FGG: variants seen among roughly 807,000 people sequenced by gnomAD.
The protein encoded by FGG is fibrinogen, gamma polypeptide.
FGG carries 20 observed loss-of-function variants against 51.7 expected under a neutral mutation model. The ratio of observed to expected loss-of-function variants is 0.39; its 90% confidence interval spans 0.27 to 0.56. The LOEUF (loss-of-function observed/expected upper bound fraction) is 0.56, where lower values mean the gene tolerates loss of function less well. Among genes scored for constraint, FGG ranks in the 20% least tolerant of loss-of-function variants. FGG has a pLI of 0.64. For missense variants in FGG, 460 were observed against 534.2 expected (o/e 0.86, Z 1.37); for synonymous variants, 184 against 184.7 (o/e 1.00, Z 0.03).
At chr4:154,610,975 C>A (rs1003553436) in intron 4 of FGG, among the ~76,000 whole-genome samples, 1 of 152,006 alleles carries the variant, frequency 6.6e-6, no homozygotes, top group Non-Finnish European at 1.5e-5. Context: ...CCACGTTTTC[C>A]CTCTACCTTG....
chr4:154,605,664 C>T (rs1418443503), intron 8 of FGG, among the ~76,000 whole-genome samples: 1 of 152,154 alleles, frequency 6.6e-6, no homozygotes, highest in Non-Finnish European at 1.5e-5. Context: ...ACAGATCAAG[C>T]ATTTTCCCTT....
chr4:154,611,396 G>T, intron 4 of FGG: 1 of 167,658 alleles, frequency 6.0e-6, no homozygotes, highest in Non-Finnish European at 1.3e-5. Context: ...TACTTTAGGA[G>T]CCAAAATCCT....
chr4:154,609,802 G>T, intron 5 of FGG, 39 bp from the exon 6 acceptor site: 1 of 1,613,850 alleles, frequency 6.2e-7, no homozygotes, highest in South Asian at 1.1e-5. Flanking sequence ...GGTTTGAAAT[G>T]CAGGTAAGAC....
intron 7 of FGG, among the ~76,000 whole-genome samples, chr4:154,607,895 C>T (rs1296358378): frequency 6.6e-6 from 1 of 152,014 alleles, no homozygotes; most frequent in Non-Finnish European, 1.5e-5. Flanking sequence ...ATATCTCAAG[C>T]AAAAAGAAGC....
rs889419025 is a variant in FGG at position 154,604,542 on chromosome 4, C to G, written c.*292G>C. 22 of 1,130,606 alleles carry G rather than the reference C, an allele frequency of 1.9e-5. No homozygotes were observed. Among genetic ancestry groups the G allele is most frequent in the Non-Finnish European group, 2.6e-5 (22 of 851,276 alleles). The allele number at this position is 1,130,606 out of a possible 1,614,324, so 70.0% of individuals were successfully genotyped here. A position where few individuals can be genotyped will look rare whatever the true frequency, so the allele number is the denominator to read the frequency against. ...TATTTGATATAATGAAAATAATTTA[C>G]GAAGACAAAATAAATGACAAGTGGT... is the stretch of plus-strand genomic sequence containing the variant. On this transcript the variant is annotated 3_prime_UTR_variant, in exon 9 of 9. Transcript: ENST00000336098.
In FGG at chr4:154,612,604, A is replaced by G; in HGVS notation, c.6T>C (p.Ser2=). 4 of 1,613,746 alleles carry G rather than the reference A, an allele frequency of 2.5e-6. No individual in the cohort carries two copies. Among genetic ancestry groups the G allele is most frequent in the Non-Finnish European group, 3.4e-6 (4 of 1,179,836 alleles). Residue 2 remains serine, a synonymous_variant, in exon 1 of 9, where the codon AGT becomes AGC. Coordinates refer to ENST00000336098, the MANE Select transcript of FGG (RefSeq NM_021870.3). The part of the protein sequence containing the change: M[S]WSLHPRNLIL... ...TTAAATTCCGGGGGTGCAAGGACCA[A>G]CTCATGATGTCTGAGTGCCCGGAGC...
intron 8 of FGG, among the ~76,000 whole-genome samples, chr4:154,606,397 T>A (rs948629675): frequency 1.3e-5 from 2 of 152,176 alleles, no homozygotes; most frequent in African/African-American, 4.8e-5. Context: ...TCCATCCAGA[T>A]CATTTATGTT....
chr4:154,604,710 C>T lies in FGG; in HGVS notation c.*124G>A. 3 of 1,510,044 alleles carry T rather than the reference C, an allele frequency of 2.0e-6. No individual in the cohort carries two copies. Among genetic ancestry groups the T allele is most frequent in the South Asian group, 1.3e-5 (1 of 77,028 alleles). The allele number at this position is 1,510,044 out of a possible 1,614,324, so 93.5% of individuals were successfully genotyped here. A position where few individuals can be genotyped will look rare whatever the true frequency, so the allele number is the denominator to read the frequency against. On this transcript the variant is annotated 3_prime_UTR_variant, in exon 9 of 9. Transcript: ENST00000336098. Reference sequence around the variant, plus strand: ...ACAGTCCTAAATGAGTTTTAATTTCCATTGAAGGCTAAATGTCCTTAATAG... The same window carrying T: ...ACAGTCCTAAATGAGTTTTAATTTCTATTGAAGGCTAAATGTCCTTAATAG...
chr4:154,606,684 A>G (rs1268038091), intron 8 of FGG, 21 bp downstream of exon 8: 1 of 1,613,182 alleles, frequency 6.2e-7, no homozygotes, highest in East Asian at 2.2e-5. Context: ...TTAACTTGGA[A>G]TCTAAGAAAG....
In FGG at chr4:154,606,802, G is replaced by T. The variant is rs1474153738; in HGVS notation, c.1032C>A (p.Asp344Glu). The T allele has an allele frequency of 6.2e-7, 1 of 1,613,954 alleles. No individual in the cohort carries two copies. Among genetic ancestry groups the T allele is most frequent in the Non-Finnish European group, 8.5e-7 (1 of 1,179,928 alleles). ...CACAGTTGCCTTCAAACTTATCATTGTCATTGTCCCAGGTACTGAACTGCA... is the reference window on the plus strand; with the variant it reads ...CACAGTTGCCTTCAAACTTATCATTTTCATTGTCCCAGGTACTGAACTGCA... ...NGMQFSTWDN[D>E]NDKFEGNCAE... Residue 344 changes from aspartate (D) to glutamate (E), a missense_variant, in exon 8 of 9, where the codon GAC (aspartate) becomes GAA (glutamate). Around this residue, in one of 3 missense-constraint regions of FGG, gnomAD observed 15 missense variants for 48.8 expected, o/e 0.31. Coordinates refer to ENST00000336098, the MANE Select transcript of FGG (RefSeq NM_021870.3).
chr4:154,607,177 C>T (rs1466799740), intron 7 of FGG, among the ~76,000 whole-genome samples, 195 bp from the exon 8 acceptor site: 5 of 152,192 alleles, frequency 3.3e-5, no homozygotes, highest in African/African-American at 1.2e-4. Flanking sequence ...ATTAACACTT[C>T]CCGGGATGGG....
intron 7 of FGG, among the ~76,000 whole-genome samples, chr4:154,608,143 C>A (rs1731134161): frequency 6.6e-6 from 1 of 152,120 alleles, no homozygotes; most frequent in Non-Finnish European, 1.5e-5. Flanking sequence ...AATAATAATA[C>A]CTGCTTCATG....
At chr4:154,611,224 A>G (rs1731205793) in intron 4 of FGG, 1 of 152,142 alleles carries the variant, frequency 6.6e-6, no homozygotes, top group South Asian at 2.1e-4. Flanking sequence ...TATGTTCAGA[A>G]AGTTTATGAG....
At chr4:154,610,003 A>G (rs1054904041) in intron 5 of FGG, 64 bp downstream of exon 5, 29 of 1,602,974 alleles carry the variant, frequency 1.8e-5, no homozygotes, top group South Asian at 8.8e-5. Flanking sequence ...TTTCCAGTAC[A>G]TACTTTCTCC....
Position 154,611,836 on chromosome 4 carries a change from C to A in FGG, c.370G>T (p.Ala124Ser). ...CTTGAGTCATGTGTTAAAATCGATGCTTCATATTTCATAATTTCTTCTAAC... is the reference window on the plus strand; with the variant it reads ...CTTGAGTCATGTGTTAAAATCGATGATTCATATTTCATAATTTCTTCTAAC... ...KMLEEIMKYE[A>S]SILTHDSSIR... The change falls in exon 4 of 9, where the codon GCA (alanine) becomes TCA (serine). Residue 124 changes from alanine (A) to serine (S), a missense_variant. Physicochemically the swap from Ala to Ser is moderately conservative, Grantham distance 99. Transcript: ENST00000336098. 1.9e-6 allele frequency: 3 copies of A among 1,611,588 alleles called. No homozygotes were observed. Among genetic ancestry groups the A allele is most frequent in the Non-Finnish European group, 2.5e-6 (3 of 1,178,964 alleles).
chr4:154,608,274 C>T (rs1038487627), intron 7 of FGG, among the ~76,000 whole-genome samples, 192 bp downstream of exon 7: 9 of 152,166 alleles, frequency 5.9e-5, no homozygotes, highest in African/African-American at 2.2e-4. Context: ...TACCAATACA[C>T]TTAGATTCAT....
chr4:154,604,189 G>T lies in FGG; in HGVS notation c.*645C>A. On this transcript the variant is annotated 3_prime_UTR_variant, in exon 9 of 9. Coordinates refer to ENST00000336098, the MANE Select transcript of FGG (RefSeq NM_021870.3). ...AATGCATGTAGATAAATTATCATCA[G>T]CATAAAACTGTTATGGAGTTTTCAA... 1.9e-6 allele frequency: 1 copy of T among 523,810 alleles called. No individual in the cohort carries two copies. The highest frequency in any genetic ancestry group is 3.3e-6 in the Non-Finnish European group (1 of 301,988). The allele number at this position is 523,810 out of a possible 1,614,324, so 32.4% of individuals were successfully genotyped here. A position where few individuals can be genotyped will look rare whatever the true frequency, so the allele number is the denominator to read the frequency against.
intron 7 of FGG, among the ~76,000 whole-genome samples, chr4:154,607,814 T>C (rs1396510438): frequency 6.6e-6 from 1 of 152,206 alleles, no homozygotes; most frequent in African/African-American, 2.4e-5. Context: ...ATTTCACTAT[T>C]CCTTATACAT....
Position 154,611,873 on chromosome 4 carries a change from C to T in FGG, c.333G>A (p.Lys111=). 3 of 1,612,182 alleles carry T rather than the reference C, an allele frequency of 1.9e-6. No homozygotes were observed. Among genetic ancestry groups the T allele is most frequent in the Non-Finnish European group, 2.5e-6 (3 of 1,179,212 alleles). The change falls in exon 4 of 9, where the codon AAG becomes AAA. Residue 111 remains lysine, a synonymous_variant. Transcript: ENST00000336098. ...KPNMIDAATL[K]SRKMLEEIMK... ...TAATTTCTTCTAACATTTTCCTGGACTTCAAAGTAGCAGCGTCTATCATAT... is the reference window on the plus strand; with the variant it reads ...TAATTTCTTCTAACATTTTCCTGGATTTCAAAGTAGCAGCGTCTATCATAT...
Sources: gnomAD v4.1 joint callset for allele counts (sites outside exome capture counted in the v4.1 genomes callset) on GRCh38, gnomAD v4.1.1 for gene constraint, gnomAD v4.1.1 regional missense constraint, MANE v1.5 for transcripts, NCBI Gene and HGNC (gene_info 2026-07-23, HGNC 2026-07-21) for gene names.